The following HS2ST1 variants were observed in gnomAD, a reference collection of about 807,000 sequenced individuals.
HS2ST1 encodes heparan sulfate 2-O-sulfotransferase 1, also known as 2-O-sulfotransferase.
In HS2ST1, 18 loss-of-function variants were observed where a neutral mutation model predicts 42.9. That is an observed-to-expected ratio of 0.42 (90% confidence interval 0.29 to 0.62). The LOEUF (loss-of-function observed/expected upper bound fraction) is 0.62. Among genes scored for constraint, HS2ST1 ranks in the 20% least tolerant of loss-of-function variants. The pLI is 0.21. For synonymous variants in HS2ST1, 146 were observed against 152.9 expected (o/e 0.95, Z 0.33); for missense variants, 334 against 433.8 (o/e 0.77, Z 2.04).
At chr1:86,970,408 A>T (rs997278016) in intron 1 of HS2ST1, among the ~76,000 whole-genome samples, 5 of 150,368 alleles carry the variant, frequency 3.3e-5, no homozygotes, top group Admixed American at 2.0e-4. Flanking sequence ...TTAATTTATA[A>T]TTTTTTTTTT....
At position 86,931,635 on chromosome 1, in the gene HS2ST1, G is replaced by T. The variant is rs61800751; in HGVS notation, c.124+16475G>T. The stretch of plus-strand genomic sequence containing the variant: ...AAGAATTGAGTTAGGATTTTGTGCC[G>T]TACATGATTTATGATAAAGCTTTTC... On this transcript the variant is annotated intron_variant, in intron 1 of 6. Transcript: ENST00000370550. 6.6e-5 allele frequency among the ~76,000 whole-genome samples: 10 copies of T among 152,036 alleles called. 1 individual carries two copies. Among genetic ancestry groups the T allele is most frequent in the African/African-American group, 2.2e-4 (9 of 41,498 alleles).
intron 2 of HS2ST1, 28 bp from the exon 3 acceptor site, chr1:87,084,166 A>G (rs889475379): frequency 6.6e-6 from 9 of 1,356,972 alleles, no homozygotes; most frequent in African/African-American, 2.9e-5. Flanking sequence ...TTTAAATTGT[A>G]TATAATGAAT....
chr1:87,079,864 CAA>C (rs1224652167), intron 2 of HS2ST1, among the ~76,000 whole-genome samples: 4 of 95,518 alleles, frequency 4.2e-5, no homozygotes, highest in Non-Finnish European at 6.7e-5. Context: ...AACAACTCTA[CAA>C]AAAAAAAAAA....
chr1:86,986,879 T>A (rs1648798853), intron 1 of HS2ST1, among the ~76,000 whole-genome samples: 1 of 152,066 alleles, frequency 6.6e-6, no homozygotes, highest in Non-Finnish European at 1.5e-5. Flanking sequence ...AGCCACCAAA[T>A]TATGGTAATT....
chr1:86,922,370 A>T (rs1465233245), intron 1 of HS2ST1, among the ~76,000 whole-genome samples: 2 of 151,064 alleles, frequency 1.3e-5, no homozygotes, highest in African/African-American at 2.4e-5. Flanking sequence ...ATGTTTAAAA[A>T]TTTTTTAAAA....
intron 1 of HS2ST1, among the ~76,000 whole-genome samples, chr1:86,918,391 A>G (rs1660213897): frequency 6.6e-6 from 1 of 152,156 alleles, no homozygotes; most frequent in Non-Finnish European, 1.5e-5. Context: ...GCTGTATAAT[A>G]TTCCAAAGTA....
intron 1 of HS2ST1, among the ~76,000 whole-genome samples, chr1:86,958,685 A>G (rs915202523): frequency 1.3e-5 from 2 of 152,218 alleles, no homozygotes; most frequent in East Asian, 1.9e-4. Context: ...CCAGTTCTCT[A>G]CAGTCTCTTC....
intron 1 of HS2ST1, chr1:87,045,142 TA>T: frequency 1.2e-6 from 1 of 854,930 alleles, no homozygotes; most frequent in Non-Finnish European, 2.0e-6. Flanking sequence ...CCTCCATCAT[TA>T]CTGCCATTGG....
intron 1 of HS2ST1, among the ~76,000 whole-genome samples, chr1:87,066,597 T>C (rs1651256415): frequency 6.6e-6 from 1 of 152,148 alleles, no homozygotes. Context: ...TATTATACTT[T>C]AAGTTCTGGG....
Position 86,921,682 on chromosome 1 carries a change from C to T in HS2ST1, c.124+6522C>T, listed in dbSNP as rs147378043. Among the ~76,000 whole-genome samples the T allele has an allele frequency of 2.1e-3, 322 of 152,216 alleles. 2 individuals are homozygous for T. The highest frequency in any genetic ancestry group is 3.4e-3 in the Non-Finnish European group (229 of 68,014). ...CCATGTGAGGATGCCACAAGAAGTC[C>T]CTCAACAGATGCTGGTGTCTTGATT... On this transcript the variant is annotated intron_variant, in intron 1 of 6. Transcript: ENST00000370550.
intron 1 of HS2ST1, among the ~76,000 whole-genome samples, chr1:86,946,015 A>G (rs1252186301): frequency 1.3e-5 from 2 of 152,254 alleles, no homozygotes; most frequent in African/African-American, 4.8e-5. Context: ...CGCTCTTTCT[A>G]AGTCTTAAGT....
chr1:87,063,727 G>T (rs1270385747), intron 1 of HS2ST1, among the ~76,000 whole-genome samples: 6 of 152,012 alleles, frequency 3.9e-5, no homozygotes, highest in Non-Finnish European at 8.8e-5. Flanking sequence ...GTTCATAATT[G>T]CTCATTAAAG....
At chr1:86,999,735 C>T (rs979501080) in intron 1 of HS2ST1, among the ~76,000 whole-genome samples, 3 of 152,138 alleles carry the variant, frequency 2.0e-5, no homozygotes, top group Non-Finnish European at 2.9e-5. Flanking sequence ...CTGTTTTAGG[C>T]CTAGTAAAGT....
intron 5 of HS2ST1, among the ~76,000 whole-genome samples, chr1:87,099,316 G>T (rs1570547536): frequency 6.6e-6 from 1 of 152,182 alleles, no homozygotes; most frequent in East Asian, 1.9e-4. Flanking sequence ...ACCAACAAGG[G>T]CCTCAGGAAG....
rs990528884 is a variant in HS2ST1 at position 86,914,894 on chromosome 1, G to A, written c.-143G>A. 11 of 956,600 alleles carry A rather than the reference G, an allele frequency of 1.1e-5. No homozygotes were observed. In the Admixed American group the frequency reaches 1.2e-4, roughly 10 times the overall value. The allele number at this position is 956,600 out of a possible 1,614,324, so 59.3% of individuals were successfully genotyped here. A position where few individuals can be genotyped will look rare whatever the true frequency, so the allele number is the denominator to read the frequency against. On this transcript the variant is annotated 5_prime_UTR_variant, in exon 1 of 7. Coordinates refer to ENST00000370550, the MANE Select transcript of HS2ST1 (RefSeq NM_012262.4). ...GGAGGGGGACTGGAGAGGCGAGAAG[G>A]GGGGTCGCTGCGGTGGTTCTCTCGC...
chr1:86,968,752 G>A (rs1271409427), intron 1 of HS2ST1, among the ~76,000 whole-genome samples: 4 of 151,796 alleles, frequency 2.6e-5, no homozygotes, highest in Non-Finnish European at 2.9e-5. Context: ...TATTGTAGAC[G>A]GTTTAAACGT....
chr1:87,073,776 A>T (rs748550258), intron 2 of HS2ST1, among the ~76,000 whole-genome samples: 1 of 152,236 alleles, frequency 6.6e-6, no homozygotes, highest in African/African-American at 2.4e-5. Context: ...TCTCTTTAAT[A>T]GTAGTAGCAT....
In HS2ST1 at chr1:87,056,269, C is replaced by G. The variant is rs577033622; in HGVS notation, c.125-16665C>G. 3.0e-4 allele frequency among the ~76,000 whole-genome samples: 45 copies of G among 152,256 alleles called. No individual in the cohort carries two copies. The South Asian group carries it at 9.1e-3, about 31-fold the overall frequency. ...TGCATATGTCAGTTTCTCTTCTATT[C>G]CTCCATCATTTTTTGATACAGCATG... On this transcript the variant is annotated intron_variant, in intron 1 of 6. Transcript: ENST00000370550.
intron 1 of HS2ST1, among the ~76,000 whole-genome samples, chr1:86,933,849 A>G (rs1660590000): frequency 6.6e-6 from 1 of 151,936 alleles, no homozygotes; most frequent in Non-Finnish European, 1.5e-5. Context: ...GGTGTCAGAG[A>G]TTAAAATTTC....
Sources: gnomAD v4.1 joint callset for allele counts (sites outside exome capture counted in the v4.1 genomes callset) on GRCh38, gnomAD v4.1.1 for gene constraint, MANE v1.5 for transcripts, NCBI Gene and HGNC (gene_info 2026-07-23, HGNC 2026-07-21) for gene names.